Variants in GRM8 observed in about 807,000 individuals in gnomAD.
GRM8 encodes the protein metabotropic glutamate receptor 8.
GRM8 carries 47 observed loss-of-function variants against 87.2 expected under a neutral mutation model. That is an observed-to-expected ratio of 0.54 (90% CI 0.43 to 0.69). GRM8 has a LOEUF of 0.69. Among genes scored for constraint, GRM8 ranks in the 30% least tolerant of loss-of-function variants. The probability of loss-of-function intolerance (pLI) is 0.00; values close to 1 mark genes in which losing one functional copy is unlikely to be tolerated. For synonymous variants in GRM8, 396 were observed against 404.5 expected, an observed-to-expected ratio of 0.98 and a Z score of 0.25; for missense variants, 1,019 against 1,139.2, an observed-to-expected ratio of 0.89 and a Z score of 1.52.
chr7:126,544,362 C>T (rs1816884222), intron 8 of GRM8, among the ~76,000 whole-genome samples: 1 of 152,090 alleles, frequency 6.6e-6, no homozygotes, highest in Non-Finnish European at 1.5e-5. Flanking sequence ...GAGTACTAAA[C>T]TTATCGTTTC....
rs372733476 is a variant in GRM8, at chr7:126,775,479, G to GTTT, written c.1157-5417_1157-5415dup. ...TGAGCGCTATCAAGCTGACAAATAG[G>GTTT]TTTTTTTTTTTTTTTTTTTTTTTTT... On this transcript the variant is annotated intron_variant, in intron 6 of 10. Transcript: ENST00000339582. 9.1e-3 allele frequency among the ~76,000 whole-genome samples: 951 copies of GTTT among 104,726 alleles called. 56 individuals are homozygous for GTTT. The highest frequency in any genetic ancestry group is 0.039 in the African/African-American group (895 of 23,032). The allele number at this position is 104,726 out of a possible 152,430, so 68.7% of individuals were successfully genotyped here.
At chr7:127,249,059 C>T (rs1284677994) in intron 1 of GRM8, among the ~76,000 whole-genome samples, 1 of 152,180 alleles carries the variant, frequency 6.6e-6, no homozygotes, top group East Asian at 1.9e-4. Context: ...ATGCTTCTAC[C>T]GCTGGGTCAT....
intron 7 of GRM8, among the ~76,000 whole-genome samples, chr7:126,723,799 T>C (rs947727438): frequency 3.3e-5 from 5 of 152,168 alleles, no homozygotes; most frequent in African/African-American, 1.2e-4. Context: ...TAACATCTAC[T>C]TAAGTTCGGC....
chr7:126,684,623 T>G (rs1020870101), intron 7 of GRM8, among the ~76,000 whole-genome samples: 2 of 152,118 alleles, frequency 1.3e-5, no homozygotes, highest in African/African-American at 4.8e-5. Flanking sequence ...ATAATGGAGT[T>G]GCATCTCTCC....
At chr7:126,644,322 T>G (rs535678609) in intron 7 of GRM8, among the ~76,000 whole-genome samples, 56 of 152,354 alleles carry the variant, frequency 3.7e-4, no homozygotes, top group African/African-American at 1.3e-3. Context: ...GTTGGGTTTT[T>G]GAAAGGAATG....
chr7:126,496,070 G>C (rs1163066971), intron 9 of GRM8, among the ~76,000 whole-genome samples: 1 of 151,908 alleles, frequency 6.6e-6, no homozygotes, highest in Non-Finnish European at 1.5e-5. Flanking sequence ...TGTTAGGGTG[G>C]GGGTAGTAAA....
intron 6 of GRM8, among the ~76,000 whole-genome samples, chr7:126,771,025 C>T (rs573583894): frequency 4.8e-4 from 73 of 152,034 alleles, no homozygotes; most frequent in African/African-American, 1.7e-3. Context: ...ATTAAGGGAA[C>T]AAAAAATGAT....
intron 7 of GRM8, among the ~76,000 whole-genome samples, chr7:126,639,022 A>C (rs1314519395): frequency 6.6e-6 from 1 of 152,162 alleles, no homozygotes; most frequent in Admixed American, 6.5e-5. Flanking sequence ...CTGGAGCTAC[A>C]CGCTGGCTTC....
At chr7:126,912,910 G>A (rs1803468987) in intron 3 of GRM8, among the ~76,000 whole-genome samples, 1 of 152,110 alleles carries the variant, frequency 6.6e-6, no homozygotes, top group Admixed American at 6.5e-5. Context: ...ACAAACAAAG[G>A]CAATCTATAC....
intron 2 of GRM8, among the ~76,000 whole-genome samples, chr7:127,240,344 C>T (rs1587357860): frequency 6.6e-6 from 1 of 151,894 alleles, no homozygotes; most frequent in East Asian, 1.9e-4. Context: ...TGGAAGCCTT[C>T]CTGCATTTTC....
intron 2 of GRM8, among the ~76,000 whole-genome samples, chr7:127,127,428 G>A (rs1245262479): frequency 1.3e-5 from 2 of 151,966 alleles, no homozygotes; most frequent in Admixed American, 6.6e-5. Context: ...CTGTGGTGTA[G>A]CAATAAAATA....
intron 9 of GRM8, chr7:126,512,018 C>A (rs1470755732): frequency 6.6e-6 from 1 of 151,990 alleles, no homozygotes; most frequent in Non-Finnish European, 1.5e-5. Context: ...AATTAAGGAT[C>A]TTGATAACTC....
intron 2 of GRM8, among the ~76,000 whole-genome samples, chr7:127,223,302 CA>C (rs1797056729): frequency 6.6e-6 from 1 of 151,814 alleles, no homozygotes; most frequent in African/African-American, 2.4e-5. Flanking sequence ...ACACATAGAC[CA>C]AAAACAAATA....
intron 2 of GRM8, among the ~76,000 whole-genome samples, chr7:127,109,470 T>C (rs1826145933): frequency 6.6e-6 from 1 of 152,194 alleles, no homozygotes; most frequent in Non-Finnish European, 1.5e-5. Flanking sequence ...TCTCTCCATA[T>C]TCTCACAGCA....
At chr7:127,067,227 T>C (rs902163855) in intron 3 of GRM8, among the ~76,000 whole-genome samples, 1 of 152,160 alleles carries the variant, frequency 6.6e-6, no homozygotes, top group Admixed American at 6.5e-5. Context: ...AAGAGGAGCA[T>C]CATAAACTAC....
chr7:127,130,271 G>C (rs554522302), intron 2 of GRM8, among the ~76,000 whole-genome samples: 1 of 152,176 alleles, frequency 6.6e-6, no homozygotes, highest in Non-Finnish European at 1.5e-5. Context: ...TTGGTACAGG[G>C]AGTGGGGTAC....
chr7:127,242,789 G>C lies in GRM8; in HGVS notation c.416C>G (p.Pro139Arg). 4.3e-6 allele frequency: 7 copies of C among 1,614,036 alleles called. No individual in the cohort carries two copies. The highest frequency in any genetic ancestry group is 5.9e-6 in the Non-Finnish European group (7 of 1,179,948). ...SDVKCANGDPPIFTKPDKISG... is the reference protein window; with the variant it reads ...SDVKCANGDPRIFTKPDKISG... ...AATCTTGTCGGGCTTGGTGAAAATG[G>C]GTGGATCTCCATTAGCACACTTCAC... The change falls in exon 2 of 11, where the codon CCC (proline) becomes CGC (arginine). Residue 139 changes from proline to arginine, a missense_variant. By Grantham distance (103) the Pro-to-Arg change is moderately radical. Transcript: ENST00000339582.
At chr7:127,246,320 G>C (rs1042132142) in intron 1 of GRM8, among the ~76,000 whole-genome samples, 1 of 152,158 alleles carries the variant, frequency 6.6e-6, no homozygotes, top group East Asian at 1.9e-4. Context: ...ATCTTTCAGA[G>C]CTATAGATCC....
chr7:126,476,597 A>AT (rs1805936510), intron 9 of GRM8, among the ~76,000 whole-genome samples: 1 of 152,174 alleles, frequency 6.6e-6, no homozygotes, highest in Non-Finnish European at 1.5e-5. Flanking sequence ...CTGAATAGAC[A>AT]TTTTTTCAAA....
Sources: allele counts gnomAD v4.1 joint callset (sites outside exome capture counted in the v4.1 genomes callset), GRCh38; gene constraint gnomAD v4.1.1; transcripts MANE v1.5; gene names NCBI Gene and HGNC (gene_info 2026-07-23, HGNC 2026-07-21).